Variants in SNAPC3 observed in about 807,000 individuals in gnomAD.
SNAPC3 encodes the protein small nuclear RNA activating complex polypeptide 3, also known as snRNA-activating protein complex subunit 3.
Under a neutral mutation model 47.7 loss-of-function variants are expected in SNAPC3, and 56 were observed. That is an observed-to-expected ratio of 1.18 (90% CI 0.95 to 1.47). SNAPC3 has a LOEUF of 1.47. Among genes scored for constraint, SNAPC3 ranks in the 40% most tolerant of loss-of-function variants. The pLI is 0.00. For synonymous variants in SNAPC3, 235 were observed against 189.9 expected (o/e 1.24, Z -1.95); for missense variants, 665 against 511.3 (o/e 1.30, Z -2.90).
chr9:15,452,298 C>T (rs1464742920), intron 6 of SNAPC3, among the ~76,000 whole-genome samples: 1 of 149,912 alleles, frequency 6.7e-6, no homozygotes, highest in East Asian at 2.0e-4. Flanking sequence ...TCTAACCCAA[C>T]AGTTCAAACC....
intron 3 of SNAPC3, among the ~76,000 whole-genome samples, chr9:15,441,378 C>CCTTTTTTTTTT (rs2033345761): frequency 2.5e-5 from 1 of 40,506 alleles, no homozygotes; most frequent in African/African-American, 7.6e-5. Flanking sequence ...CAAGAGTTCC[C>CCTTTTTTTTTT]TTTTCTTTTT....
chr9:15,447,729 T>C (rs1286713385), intron 5 of SNAPC3, among the ~76,000 whole-genome samples: 4 of 152,182 alleles, frequency 2.6e-5, no homozygotes, highest in African/African-American at 4.8e-5. Flanking sequence ...TCTGTCATGA[T>C]TGTGCCCAGC....
downstream of SNAPC3, chr9:15,464,141 G>GT (rs1315643977): frequency 5.5e-6 from 1 of 183,358 alleles, no homozygotes; most frequent in East Asian, 8.9e-5. Context: ...ATCTAAGTAA[G>GT]TTAAAACTGT....
At chr9:15,449,552 TA>T (rs2034213414) in intron 5 of SNAPC3, among the ~76,000 whole-genome samples, 43 of 36,110 alleles carry the variant, frequency 1.2e-3, no homozygotes, top group African/African-American at 4.6e-3. Context: ...TATATATATA[TA>T]TATATATATA....
At chr9:15,428,736 T>C (rs1460624217) in intron 2 of SNAPC3, among the ~76,000 whole-genome samples, 6 of 151,812 alleles carry the variant, frequency 4.0e-5, no homozygotes, top group Non-Finnish European at 7.4e-5. Flanking sequence ...AATTGTAAGA[T>C]ACCTAAGGGA....
Position 15,424,982 on chromosome 9 carries a change from C to G in SNAPC3, c.392+996C>G, listed in dbSNP as rs117592001. ...GTCTTTGATAAGTACAGTCATTTCT[C>G]CCACTGATTTATCCATCATGCTGTC... On this transcript the variant is annotated intron_variant, in intron 2 of 8. Coordinates refer to ENST00000380821, the MANE Select transcript of SNAPC3 (RefSeq NM_001039697.2). Among the ~76,000 whole-genome samples, 86 of 152,282 alleles carry G rather than the reference C, an allele frequency of 5.6e-4. No homozygotes were observed. The East Asian group carries it at 9.3e-3, about 16-fold the overall frequency.
rs764279628 is a variant in SNAPC3, at chr9:15,423,011, G to A, written c.132G>A (p.Val44=). Residue 44 remains valine (V), a synonymous_variant, in exon 1 of 9, where the codon GTG becomes GTA. Transcript: ENST00000380821. ...LPELNTRAFH[V]GAFGELWRGR... is the part of the protein sequence containing the mutation. ...AGCTAAATACGCGCGCTTTCCATGT[G>A]GGCGCCTTTGGGGAGCTGTGGCGGG... 1 of 1,545,764 alleles carries A rather than the reference G, an allele frequency of 6.5e-7. No homozygotes were observed. The highest frequency in any genetic ancestry group is 8.7e-7 in the Non-Finnish European group (1 of 1,152,966).
At chr9:15,454,733 C>T (rs904289062) in intron 7 of SNAPC3, among the ~76,000 whole-genome samples, 1 of 152,032 alleles carries the variant, frequency 6.6e-6, no homozygotes, top group African/African-American at 2.4e-5. Flanking sequence ...GTCAGGAGAT[C>T]GAGACCATGC....
chr9:15,422,972 G>C lies in SNAPC3; in HGVS notation c.93G>C (p.Glu31Asp), dbSNP rs768246668. Residue 31 changes from glutamate (E) to aspartate (D), a missense_variant, in exon 1 of 9, where the codon GAG (glutamate) becomes GAC (aspartate). Coordinates refer to ENST00000380821, the MANE Select transcript of SNAPC3 (RefSeq NM_001039697.2). The part of the protein sequence containing the change: ...VSGSGGCNFP[E>D]YELPELNTRA... ...GCAGTGGCGGCTGCAACTTTCCAGA[G>C]TATGAGCTTCCCGAGCTAAATACGC... is the stretch of plus-strand genomic sequence containing the variant. The C allele has an allele frequency of 6.5e-7, 1 of 1,541,206 alleles. No individual in the cohort carries two copies. Among genetic ancestry groups the C allele is most frequent in the Non-Finnish European group, 8.7e-7 (1 of 1,150,052 alleles).
chr9:15,422,932 AG>A lies in SNAPC3; in HGVS notation c.55del (p.Asp19ThrfsTer19). On this transcript the variant is annotated frameshift_variant, in exon 1 of 9. Coordinates refer to ENST00000380821, the MANE Select transcript of SNAPC3 (RefSeq NM_001039697.2). LOFTEE classifies it high-confidence loss of function. ...GPTCSGVGGR[Q>X]DPVSGSGGCN... Reference sequence around the variant, plus strand: ...ACGTGTAGCGGGGTGGGTGGCAGGCAGGACCCAGTCTCCGGCAGTGGCGGCT... The same window carrying A: ...ACGTGTAGCGGGGTGGGTGGCAGGCAGACCCAGTCTCCGGCAGTGGCGGCT... 1.3e-6 allele frequency: 2 copies of A among 1,538,566 alleles called. No individual in the cohort carries two copies. Among genetic ancestry groups the A allele is most frequent in the Non-Finnish European group, 1.7e-6 (2 of 1,144,984 alleles).
downstream of SNAPC3, chr9:15,465,585 A>G: frequency 2.5e-6 from 4 of 1,572,658 alleles, no homozygotes; most frequent in Non-Finnish European, 3.5e-6. Flanking sequence ...GATGGCCTGA[A>G]GAAAAGGGGG....
At chr9:15,454,563 A>C (rs2034629740) in intron 7 of SNAPC3, among the ~76,000 whole-genome samples, 1 of 152,226 alleles carries the variant, frequency 6.6e-6, no homozygotes, top group South Asian at 2.1e-4. Flanking sequence ...GTCTGGGAGG[A>C]AAAATAGAAC....
At chr9:15,426,783 C>T (rs934297159) in intron 2 of SNAPC3, among the ~76,000 whole-genome samples, 1 of 152,072 alleles carries the variant, frequency 6.6e-6, no homozygotes, top group Non-Finnish European at 1.5e-5. Context: ...TTCTTCTAGT[C>T]CCTCCAAACA....
intron 3 of SNAPC3, among the ~76,000 whole-genome samples, chr9:15,440,799 A>G (rs1381603310): frequency 6.6e-6 from 1 of 152,024 alleles, no homozygotes; most frequent in African/African-American, 2.4e-5. Flanking sequence ...AATACAAAAA[A>G]TTAGCTGGGC....
At chr9:15,428,955 A>G (rs1280610501) in intron 2 of SNAPC3, among the ~76,000 whole-genome samples, 2 of 152,120 alleles carry the variant, frequency 1.3e-5, no homozygotes, top group African/African-American at 4.8e-5. Flanking sequence ...AATCCAGCAA[A>G]AGTTTCCAGA....
At chr9:15,459,048 C>T (rs190721385) in intron 8 of SNAPC3, among the ~76,000 whole-genome samples, 2 of 152,162 alleles carry the variant, frequency 1.3e-5, no homozygotes, top group South Asian at 2.1e-4. Flanking sequence ...AGTTTGTTTT[C>T]GCCACCCCAC....
At chr9:15,442,582 G>C (rs2033560666) in intron 3 of SNAPC3, among the ~76,000 whole-genome samples, 1 of 151,230 alleles carries the variant, frequency 6.6e-6, no homozygotes, top group Non-Finnish European at 1.5e-5. Flanking sequence ...GGGGCGGCGG[G>C]GCAGAGGCGT....
chr9:15,450,006 A>G (rs1442349370), intron 5 of SNAPC3, among the ~76,000 whole-genome samples: 2 of 152,218 alleles, frequency 1.3e-5, no homozygotes, highest in Non-Finnish European at 2.9e-5. Context: ...TGTAAAACAC[A>G]TATATATTAA....
intron 3 of SNAPC3, among the ~76,000 whole-genome samples, chr9:15,434,869 C>G (rs2032598826): frequency 6.6e-6 from 1 of 152,130 alleles, no homozygotes; most frequent in South Asian, 2.1e-4. Context: ...TATCTTTTGG[C>G]TATTGCGAAT....
Sources: gnomAD v4.1 joint callset for allele counts (sites outside exome capture counted in the v4.1 genomes callset) on GRCh38, gnomAD v4.1.1 for gene constraint, MANE v1.5 for transcripts, NCBI Gene and HGNC (gene_info 2026-07-23, HGNC 2026-07-21) for gene names.